GRID2: variants seen among roughly 807,000 people sequenced by gnomAD.
GRID2 encodes glutamate ionotropic receptor delta type subunit 2.
GRID2 carries 33 observed loss-of-function variants against 114.8 expected under a neutral mutation model. The ratio of observed to expected loss-of-function variants is 0.29; its 90% CI spans 0.22 to 0.38. The LOEUF (loss-of-function observed/expected upper bound fraction) is 0.38. GRID2 is among the 10% of genes least tolerant of loss of function. GRID2 has a pLI of 1.00. For synonymous variants in GRID2, 505 were observed against 449.9 expected (o/e 1.12, Z -1.55); for missense variants, 1,184 against 1,257.7 (o/e 0.94, Z 0.89).
At chr4:93,741,235 A>T (rs1396050655) in intron 14 of GRID2, among the ~76,000 whole-genome samples, 1 of 137,498 alleles carries the variant, frequency 7.3e-6, no homozygotes, top group African/African-American at 2.8e-5. Context: ...TCTACTTACC[A>T]AGGTTTTGAC....
At chr4:93,418,459 T>C (rs2149362063) in intron 9 of GRID2, among the ~76,000 whole-genome samples, 1 of 152,216 alleles carries the variant, frequency 6.6e-6, no homozygotes, top group Non-Finnish European at 1.5e-5. Flanking sequence ...CACTCCTTTG[T>C]AGTTTCCAGT....
Position 92,863,155 on chromosome 4 carries a change from T to C in GRID2, c.245-221840T>C, listed in dbSNP as rs115854218. ...GATGAAAAAAGACTGAATTTTCATT[T>C]ATCTTTTGATTTAGGCTTTTATTTT... On this transcript the variant is annotated intron_variant, in intron 2 of 15. Transcript: ENST00000282020. Among the ~76,000 whole-genome samples, 989 of 152,286 alleles carry C rather than the reference T, an allele frequency of 6.5e-3. 9 individuals are homozygous for C. The highest frequency in any genetic ancestry group is 0.023 in the African/African-American group (938 of 41,572).
intron 1 of GRID2, among the ~76,000 whole-genome samples, chr4:92,586,519 A>G (rs953438387): frequency 1.3e-5 from 2 of 151,964 alleles, no homozygotes; most frequent in African/African-American, 4.8e-5. Context: ...CTAAAACATA[A>G]TTATGTTTTT....
chr4:92,448,308 G>A (rs766834720), intron 1 of GRID2, among the ~76,000 whole-genome samples: 30 of 152,026 alleles, frequency 2.0e-4, no homozygotes, highest in Non-Finnish European at 3.5e-4. Context: ...CTGAATAGCC[G>A]GGACTATAGG....
intron 8 of GRID2, among the ~76,000 whole-genome samples, chr4:93,241,979 A>C (rs532335493): frequency 1.3e-5 from 2 of 151,954 alleles, no homozygotes; most frequent in Admixed American, 1.3e-4. Context: ...ATAGCGATAC[A>C]GTAGGGGAAA....
intron 8 of GRID2, among the ~76,000 whole-genome samples, chr4:93,316,581 A>C (rs1756687229): frequency 6.6e-6 from 1 of 152,184 alleles, no homozygotes; most frequent in Non-Finnish European, 1.5e-5. Context: ...TTAAGTAGGC[A>C]TGTGCTTAGA....
At chr4:92,444,217 T>C (rs1391764099) in intron 1 of GRID2, among the ~76,000 whole-genome samples, 1 of 152,156 alleles carries the variant, frequency 6.6e-6, no homozygotes, top group Non-Finnish European at 1.5e-5. Flanking sequence ...TGCGCGTCTG[T>C]GTGAAGAGAC....
chr4:92,557,956 T>C (rs187558457), intron 1 of GRID2, among the ~76,000 whole-genome samples: 23 of 152,286 alleles, frequency 1.5e-4, no homozygotes, highest in East Asian at 3.9e-4. Flanking sequence ...GAATAATTTT[T>C]AGTTTTATTT....
chr4:93,260,012 G>C (rs1750078143), intron 8 of GRID2, among the ~76,000 whole-genome samples: 1 of 151,590 alleles, frequency 6.6e-6, no homozygotes, highest in African/African-American at 2.4e-5. Context: ...GGAAGACTTA[G>C]GTAAATTAGT....
At chr4:93,408,616 A>T (rs1766780160) in intron 9 of GRID2, among the ~76,000 whole-genome samples, 1 of 152,110 alleles carries the variant, frequency 6.6e-6, no homozygotes, top group Non-Finnish European at 1.5e-5. Flanking sequence ...AGTCCTTTTG[A>T]TAAGAGCTGG....
chr4:92,605,184 T>C (rs1174061121), intron 2 of GRID2, among the ~76,000 whole-genome samples: 1 of 152,082 alleles, frequency 6.6e-6, no homozygotes, highest in Admixed American at 6.6e-5. Context: ...TTTATAGCAG[T>C]ATGAAAATGG....
intron 14 of GRID2, among the ~76,000 whole-genome samples, chr4:93,689,575 C>T (rs562852990): frequency 1.8e-4 from 27 of 151,864 alleles, no homozygotes; most frequent in Non-Finnish European, 2.8e-4. Context: ...ACACCTGAGT[C>T]AAATTCATTA....
chr4:92,981,101 CA>C (rs1379902009), intron 2 of GRID2, among the ~76,000 whole-genome samples: 1 of 151,994 alleles, frequency 6.6e-6, no homozygotes, highest in Non-Finnish European at 1.5e-5. Context: ...ACCCATGCCT[CA>C]ATACCAGTCA....
chr4:93,064,442 A>G (rs1728087296), intron 2 of GRID2, among the ~76,000 whole-genome samples: 1 of 151,906 alleles, frequency 6.6e-6, no homozygotes, highest in Admixed American at 6.6e-5. Flanking sequence ...AGCATTTACT[A>G]GCTCCTTGCC....
At chr4:93,678,448 G>A (rs548784954) in intron 14 of GRID2, among the ~76,000 whole-genome samples, 8 of 151,222 alleles carry the variant, frequency 5.3e-5, no homozygotes, top group Non-Finnish European at 1.2e-4. Context: ...TACTCCTCGA[G>A]AAGAGCAACT....
At chr4:92,912,038 T>C (rs988205706) in intron 2 of GRID2, among the ~76,000 whole-genome samples, 3 of 151,876 alleles carry the variant, frequency 2.0e-5, no homozygotes, top group Non-Finnish European at 2.9e-5. Context: ...AATTTTTTCA[T>C]AAATAATAGA....
At chr4:93,530,706 A>G (rs74876028) in intron 13 of GRID2, among the ~76,000 whole-genome samples, 3,302 of 152,186 alleles carry the variant, frequency 0.022, 55 homozygotes, top group Middle Eastern at 0.061. Flanking sequence ...ATCATATACT[A>G]TTTTGGGCCA....
At chr4:92,378,521 A>G (rs1216870852) in intron 1 of GRID2, among the ~76,000 whole-genome samples, 1 of 152,076 alleles carries the variant, frequency 6.6e-6, no homozygotes, top group Non-Finnish European at 1.5e-5. Context: ...ATTTCCAAAT[A>G]TCCTGTGTTT....
intron 2 of GRID2, among the ~76,000 whole-genome samples, chr4:92,943,554 C>A (rs1358557525): frequency 6.6e-6 from 1 of 151,990 alleles, no homozygotes; most frequent in Non-Finnish European, 1.5e-5. Flanking sequence ...GTAGTTTGAT[C>A]GTCTGAAGCC....
Sources: gnomAD v4.1 joint callset for allele counts (sites outside exome capture counted in the v4.1 genomes callset) on GRCh38, gnomAD v4.1.1 for gene constraint, MANE v1.5 for transcripts, NCBI Gene and HGNC (gene_info 2026-07-23, HGNC 2026-07-21) for gene names.